Variants in SPEF2 observed in about 807,000 individuals in gnomAD.
SPEF2 encodes the protein sperm flagella and cilia-associated protein 2.
Under a neutral mutation model 224.6 loss-of-function variants are expected in SPEF2, and 187 were observed. That is an observed-to-expected ratio of 0.83 (90% CI 0.74 to 0.94). The LOEUF (loss-of-function observed/expected upper bound fraction) is 0.94, where lower values mean the gene tolerates loss of function less well. Among genes scored for constraint, SPEF2 ranks in the 40% least tolerant of loss-of-function variants. The probability of loss-of-function intolerance (pLI) is 0.00; values close to 1 mark genes in which losing one functional copy is unlikely to be tolerated. For missense variants in SPEF2, 2,170 were observed against 2,135.6 expected (o/e 1.02, Z -0.32); for synonymous variants, 715 against 707.3 (o/e 1.01, Z -0.17).
chr5:35,776,795 T>G (rs1022421489), intron 29 of SPEF2, among the ~76,000 whole-genome samples: 4 of 152,222 alleles, frequency 2.6e-5, no homozygotes, highest in Non-Finnish European at 5.9e-5. Context: ...TAAAAAGTCA[T>G]TCACTGGAAT....
chr5:35,654,742 G>A lies in SPEF2; in HGVS notation c.978+16G>A. 2.5e-6 allele frequency: 4 copies of A among 1,595,864 alleles called. No homozygotes were observed. Among genetic ancestry groups the A allele is most frequent in the Non-Finnish European group, 3.4e-6 (4 of 1,173,990 alleles). ...AGCACAAGAGGTAAGATATTTAGAT[G>A]AAGGTTAAGTAATAGTGCTGGGAAT... On this transcript the variant is annotated intron_variant, in intron 7 of 36. Coordinates refer to ENST00000356031, the MANE Select transcript of SPEF2 (RefSeq NM_024867.4).
intron 2 of SPEF2, among the ~76,000 whole-genome samples, chr5:35,628,881 C>T (rs770167887): frequency 3.9e-5 from 6 of 152,008 alleles, no homozygotes; most frequent in African/African-American, 1.2e-4. Context: ...TGTGCACCCC[C>T]GCTTCTGGAC....
intron 30 of SPEF2, chr5:35,788,756 G>C (rs1053287298): frequency 1.6e-5 from 11 of 703,042 alleles, no homozygotes; most frequent in Non-Finnish European, 2.6e-5. Context: ...TGTACAAACT[G>C]TATATTGCTT....
chr5:35,679,363 C>T (rs890291077), intron 10 of SPEF2, among the ~76,000 whole-genome samples: 8 of 152,100 alleles, frequency 5.3e-5, no homozygotes, highest in African/African-American at 1.7e-4. Context: ...GTCCTTTGAG[C>T]ATGCCAATGA....
intron 30 of SPEF2, among the ~76,000 whole-genome samples, chr5:35,783,813 A>G (rs1754687139): frequency 6.6e-6 from 1 of 152,210 alleles, no homozygotes; most frequent in South Asian, 2.1e-4. Flanking sequence ...CATAAGGAAG[A>G]CAGCCTTTTT....
At chr5:35,679,202 C>CT (rs1463217802) in intron 10 of SPEF2, among the ~76,000 whole-genome samples, 8 of 152,274 alleles carry the variant, frequency 5.3e-5, no homozygotes, top group Non-Finnish European at 1.0e-4. Flanking sequence ...ATTTTATTCC[C>CT]TCTGGTAGGA....
chr5:35,764,208 C>G (rs1388402312), intron 26 of SPEF2, among the ~76,000 whole-genome samples: 1 of 152,022 alleles, frequency 6.6e-6, no homozygotes, highest in Non-Finnish European at 1.5e-5. Context: ...AAGCAAATCA[C>G]AGTCTGGCCT....
intron 10 of SPEF2, among the ~76,000 whole-genome samples, chr5:35,672,039 A>C (rs55962008): frequency 0.48 from 72,436 of 151,170 alleles, 17,920 homozygotes; most frequent in East Asian, 0.73. Flanking sequence ...GTTCCTACAT[A>C]CAAGTAAAAA....
At chr5:35,776,558 T>C (rs1045215809) in intron 29 of SPEF2, among the ~76,000 whole-genome samples, 163 bp downstream of exon 29, 2 of 152,218 alleles carry the variant, frequency 1.3e-5, no homozygotes, top group African/African-American at 2.4e-5. Context: ...TTTACTATCA[T>C]GTTTGTATTA....
intron 10 of SPEF2, among the ~76,000 whole-genome samples, chr5:35,686,360 A>C (rs1469418180): frequency 6.6e-6 from 1 of 152,124 alleles, no homozygotes; most frequent in African/African-American, 2.4e-5. Flanking sequence ...TCTTTGATAG[A>C]GTGCAAATGG....
At chr5:35,660,327 C>G (rs955643117) in intron 8 of SPEF2, among the ~76,000 whole-genome samples, 2 of 152,062 alleles carry the variant, frequency 1.3e-5, no homozygotes, top group Non-Finnish European at 2.9e-5. Flanking sequence ...ATAAGATATT[C>G]ACAAAACCAG....
In SPEF2 at chr5:35,670,325, A is replaced by C. The variant is rs550392514; in HGVS notation, c.1524+98A>C. 6 of 1,462,442 alleles carry C rather than the reference A, an allele frequency of 4.1e-6. No homozygotes were observed. The East Asian group carries it at 1.5e-4, about 37-fold the overall frequency. 90.6% of individuals were successfully genotyped at this position (1,462,442 alleles called of 1,614,324 possible). On this transcript the variant is annotated intron_variant, in intron 10 of 36. Coordinates refer to ENST00000356031, the MANE Select transcript of SPEF2 (RefSeq NM_024867.4). ...TCCTTATTTCATTTCTACTAATAAA[A>C]ATAGACATGTTTTGTTTGCATTTTC...
chr5:35,800,047 G>T lies in SPEF2; in HGVS notation c.4910G>T (p.Cys1637Phe), dbSNP rs1319471202. The part of the protein sequence containing the change: ...DYTQMLLYFA[C>F]HPDTVEGVYR... The stretch of plus-strand genomic sequence containing the variant: ...ACACAGATGCTGCTTTACTTTGCTT[G>T]CCACCCAGACACCGTGGAAGGAGTC... The change falls in exon 34 of 37, where the codon TGC becomes TTC. Residue 1637 changes from cysteine to phenylalanine, a missense_variant. Coordinates refer to ENST00000356031, the MANE Select transcript of SPEF2 (RefSeq NM_024867.4). The T allele has an allele frequency of 6.2e-7, 1 of 1,614,088 alleles. No individual in the cohort carries two copies. Among genetic ancestry groups the T allele is most frequent in the Admixed American group, 1.7e-5 (1 of 60,012 alleles).
intron 30 of SPEF2, among the ~76,000 whole-genome samples, chr5:35,784,298 T>C (rs566224028): frequency 6.6e-4 from 101 of 152,138 alleles, no homozygotes; most frequent in African/African-American, 2.3e-3. Flanking sequence ...CGGCTAATTT[T>C]TTTGTATTTT....
intron 33 of SPEF2, among the ~76,000 whole-genome samples, chr5:35,796,673 G>T (rs754172680): frequency 3.4e-4 from 51 of 151,966 alleles, no homozygotes; most frequent in Non-Finnish European, 5.6e-4. Flanking sequence ...CTGAATGGTA[G>T]ATTTAGACAT....
At chr5:35,676,646 T>C (rs1009555188) in intron 10 of SPEF2, among the ~76,000 whole-genome samples, 2 of 152,080 alleles carry the variant, frequency 1.3e-5, no homozygotes, top group Non-Finnish European at 2.9e-5. Flanking sequence ...CAAGAATCCC[T>C]TGAACCCGGG....
chr5:35,666,845 T>A (rs769936901), intron 8 of SPEF2, among the ~76,000 whole-genome samples: 14 of 152,236 alleles, frequency 9.2e-5, no homozygotes, highest in Non-Finnish European at 1.6e-4. Flanking sequence ...CACGTCTGAC[T>A]GTATTATGCT....
At chr5:35,619,023 A>G (rs1192014740) in intron 1 of SPEF2, among the ~76,000 whole-genome samples, 1 of 152,174 alleles carries the variant, frequency 6.6e-6, no homozygotes, top group Non-Finnish European at 1.5e-5. Context: ...CTAGATCGGT[A>G]GTGTTTCTGT....
At chr5:35,646,627 T>C in intron 4 of SPEF2, 40 bp from the exon 5 acceptor site, 1 of 1,589,186 alleles carries the variant, frequency 6.3e-7, no homozygotes, top group Middle Eastern at 1.7e-4. Context: ...GCCTATTCTG[T>C]TATTCTGAAT....
Sources: allele counts gnomAD v4.1 joint callset (sites outside exome capture counted in the v4.1 genomes callset), GRCh38; gene constraint gnomAD v4.1.1; transcripts MANE v1.5; gene names NCBI Gene and HGNC (gene_info 2026-07-23, HGNC 2026-07-21).